Variants in ITGB2 observed in about 807,000 individuals in gnomAD.
ITGB2 encodes the protein integrin subunit beta 2.
In ITGB2, 56 loss-of-function variants were observed where a neutral mutation model predicts 86.8. The observed-to-expected ratio is 0.65, with a 90% CI of 0.52 to 0.81. The LOEUF (loss-of-function observed/expected upper bound fraction) is 0.81. ITGB2 is among the 30% of genes least tolerant of loss of function. The pLI is 0.00. For synonymous variants in ITGB2, 457 were observed against 450.4 expected (o/e 1.01, Z -0.19); for missense variants, 948 against 1,061.2 (o/e 0.89, Z 1.48).
In ITGB2 at chr21:44,886,178, C is replaced by T; in HGVS notation, c.*190G>A. ...GTCTCCATGCAAAGACTGTGCCAGT[C>T]AGAGTGGAGCTGTCCCCCCGACGAG... On this transcript the variant is annotated 3_prime_UTR_variant, in exon 16 of 16. Coordinates refer to ENST00000652462, the MANE Select transcript of ITGB2 (RefSeq NM_000211.5). The T allele has an allele frequency of 3.1e-6, 2 of 640,316 alleles. No individual in the cohort carries two copies. Among genetic ancestry groups the T allele is most frequent in the East Asian group, 2.8e-5 (1 of 35,956 alleles). 39.7% of individuals were successfully genotyped at this position (640,316 alleles called of 1,614,324 possible).
intron 1 of ITGB2, chr21:44,926,893 C>T (rs1313863883): frequency 1.3e-5 from 2 of 152,272 alleles, no homozygotes; most frequent in African/African-American, 4.8e-5. Flanking sequence ...GGCTGCCCGA[C>T]CCTGAGCTCC....
intron 4 of ITGB2, among the ~76,000 whole-genome samples, chr21:44,904,414 GCA>G (rs1431719568): frequency 6.6e-6 from 1 of 151,028 alleles, no homozygotes; most frequent in Non-Finnish European, 1.5e-5. Flanking sequence ...TATAACTCAT[GCA>G]CACACAGTCA....
intron 8 of ITGB2, among the ~76,000 whole-genome samples, chr21:44,896,799 T>G (rs1318155645): frequency 6.6e-6 from 1 of 152,178 alleles, no homozygotes; most frequent in Non-Finnish European, 1.5e-5. Flanking sequence ...CAGGAAAGGC[T>G]GAGGAAGGCT....
intron 3 of ITGB2, chr21:44,908,047 A>C (rs914625257): frequency 2.8e-6 from 2 of 717,090 alleles, no homozygotes; most frequent in Non-Finnish European, 5.2e-6. Flanking sequence ...GAGGGAAAAA[A>C]CCCAGCCTGA....
At position 44,901,809 on chromosome 21, in the gene ITGB2, G is replaced by A. The variant is rs1032508826; in HGVS notation, c.500-76C>T. On this transcript the variant is annotated intron_variant, in intron 5 of 15. Coordinates refer to ENST00000652462, the MANE Select transcript of ITGB2 (RefSeq NM_000211.5). ...GAGGGCCAGCTTCAAAGGGGCACGA[G>A]GGCAAGCCTGTTTCCTCTCTCCTAG... 9.4e-6 allele frequency: 14 copies of A among 1,495,878 alleles called. No homozygotes were observed. The Admixed American group carries it at 1.6e-4, about 17-fold the overall frequency. 92.7% of individuals were successfully genotyped at this position (1,495,878 alleles called of 1,614,324 possible). A position where few individuals can be genotyped will look rare whatever the true frequency, so the allele number is the denominator to read the frequency against.
chr21:44,901,791 A>G, intron 5 of ITGB2, 58 bp from the exon 6 acceptor site: 1 of 1,569,400 alleles, frequency 6.4e-7, no homozygotes. Flanking sequence ...TGGGAGGGCC[A>G]GCTTCAAAGG....
chr21:44,889,132 G>A (rs554523704), intron 13 of ITGB2, 144 bp downstream of exon 13: 171 of 807,262 alleles, frequency 2.1e-4, no homozygotes, highest in Middle Eastern at 1.1e-3. Flanking sequence ...CGGCGGCCGC[G>A]GAGGGCCCCT....
At chr21:44,926,975 GTCCACAC>G (rs923256867) in intron 1 of ITGB2, 25 of 152,180 alleles carry the variant, frequency 1.6e-4, no homozygotes, top group African/African-American at 5.8e-4. Flanking sequence ...GACCCCCAGC[GTCCACAC>G]GTGGAGGCAG....
chr21:44,888,796 G>A lies in ITGB2; in HGVS notation c.1977C>T (p.Gly659=). The change falls in exon 14 of 16, where the codon GGC becomes GGT. Residue 659 remains glycine, a synonymous_variant. Coordinates refer to ENST00000652462, the MANE Select transcript of ITGB2 (RefSeq NM_000211.5). ...CTGAGTCCCTCTCCTTGCAGGTCCT[G>A]CCCTTCACGGGGTTGTTCGACAGCT... ...GLQLSNNPVK[G]RTCKERDSEG... The A allele has an allele frequency of 1.9e-6, 3 of 1,611,914 alleles. No homozygotes were observed. Among genetic ancestry groups the A allele is most frequent in the Non-Finnish European group, 2.5e-6 (3 of 1,179,982 alleles).
At chr21:44,928,584 T>C (rs926790153) in intron 1 of ITGB2, 2 of 147,458 alleles carry the variant, frequency 1.4e-5, no homozygotes, top group Non-Finnish European at 3.0e-5. Context: ...GAAGGCCAAC[T>C]GACCAGAGAG....
rs2083699121 is a variant in ITGB2, at chr21:44,886,402, G to A, written c.2276C>T (p.Thr759Met). ...NDNPLFKSAT[T>M]TVMNPKFAES is the part of the protein sequence containing the mutation. The stretch of plus-strand genomic sequence containing the variant: ...AGCAAACTTGGGGTTCATGACCGTC[G>A]TGGTGGCGCTCTTGAAAAGGGGATT... Residue 759 changes from threonine to methionine, a missense_variant, in exon 16 of 16, where the codon ACG (threonine) becomes ATG (methionine). Thr to Met is a moderately conservative substitution (Grantham distance 81, BLOSUM62 -1). Coordinates refer to ENST00000652462, the MANE Select transcript of ITGB2 (RefSeq NM_000211.5). The A allele has an allele frequency of 1.2e-6, 2 of 1,614,170 alleles. No individual in the cohort carries two copies. The highest frequency in any genetic ancestry group is 1.7e-6 in the Non-Finnish European group (2 of 1,180,006).
intron 1 of ITGB2, among the ~76,000 whole-genome samples, chr21:44,915,980 T>A (rs1016619687): frequency 3.9e-5 from 6 of 152,188 alleles, no homozygotes; most frequent in African/African-American, 1.4e-4. Flanking sequence ...TGGAGTGCAA[T>A]GGCTAGATCT....
At chr21:44,924,087 A>T (rs2084342363), upstream of ITGB2, among the ~76,000 whole-genome samples, 1 of 152,122 alleles carries the variant, frequency 6.6e-6, no homozygotes, top group South Asian at 2.1e-4. Flanking sequence ...ATATAAGCAA[A>T]CTGACACAGC....
At chr21:44,890,684 C>T (rs982064274) in intron 11 of ITGB2, among the ~76,000 whole-genome samples, 1 of 152,170 alleles carries the variant, frequency 6.6e-6, no homozygotes. Context: ...GGGGTTTTTA[C>T]AGATGTGGAA....
Position 44,890,064 on chromosome 21 carries a change from A to G in ITGB2, c.1571T>C (p.Val524Ala), listed in dbSNP as rs764061135. The change falls in exon 12 of 16, where the codon GTC becomes GCC. Residue 524 changes from valine (V) to alanine (A), a missense_variant. Coordinates refer to ENST00000652462, the MANE Select transcript of ITGB2 (RefSeq NM_000211.5). ...CGQCLCHTSD[V>A]PGKLIYGQYC... ...CTGCCCGTATATCAGCTTGCCGGGG[A>G]CGTCGCTGGTGTGGCACAGGCACTG... The G allele has an allele frequency of 1.2e-6, 2 of 1,613,298 alleles. No homozygotes were observed. Among genetic ancestry groups the G allele is most frequent in the Admixed American group, 1.7e-5 (1 of 60,004 alleles).
At chr21:44,925,648 C>G (rs1429465776), upstream of ITGB2, among the ~76,000 whole-genome samples, 1 of 152,078 alleles carries the variant, frequency 6.6e-6, no homozygotes, top group East Asian at 1.9e-4. Context: ...AAATAATATT[C>G]AAAATGTCCA....
At chr21:44,899,560 C>T (rs113250140) in intron 7 of ITGB2, among the ~76,000 whole-genome samples, 2,466 of 151,920 alleles carry the variant, frequency 0.016, 57 homozygotes, top group African/African-American at 0.056. Flanking sequence ...CCGTCCCTCC[C>T]GTCTGTGGCT....
chr21:44,917,842 G>A (rs2084234036), intron 1 of ITGB2, among the ~76,000 whole-genome samples: 1 of 152,218 alleles, frequency 6.6e-6, no homozygotes, highest in Admixed American at 6.5e-5. Flanking sequence ...TTCCCCTGGG[G>A]CTAACTCTTC....
chr21:44,908,977 G>T (rs1701472556), intron 3 of ITGB2, among the ~76,000 whole-genome samples: 1 of 152,190 alleles, frequency 6.6e-6, no homozygotes, highest in African/African-American at 2.4e-5. Context: ...TAAAACTGTG[G>T]GTCACGCTGA....
Sources: allele counts gnomAD v4.1 joint callset (sites outside exome capture counted in the v4.1 genomes callset), GRCh38; gene constraint gnomAD v4.1.1; transcripts MANE v1.5; gene names NCBI Gene and HGNC (gene_info 2026-07-23, HGNC 2026-07-21).